LRP6: variants seen among roughly 807,000 people sequenced by gnomAD.
LRP6 encodes low-density lipoprotein receptor-related protein 6.
In LRP6, 43 loss-of-function variants were observed where a neutral mutation model predicts 184.1. The ratio of observed to expected loss-of-function variants is 0.23; its 90% CI spans 0.18 to 0.30. The LOEUF (loss-of-function observed/expected upper bound fraction) is 0.30. LRP6 is among the 10% of genes least tolerant of loss of function. The pLI is 1.00. For synonymous variants in LRP6, 719 were observed against 684.9 expected (o/e 1.05, Z -0.78); for missense variants, 1,571 against 2,005.3 (o/e 0.78, Z 4.14).
Position 12,266,872 on chromosome 12 carries a change from G to C in LRP6, c.-137C>G, listed in dbSNP as rs1346603629. ...CTTCCCAGCGAGAGAAGAAAGAAAG[G>C]GGCACGTCAAGGTTCCGCGCGCGCC... On this transcript the variant is annotated 5_prime_UTR_variant, in exon 1 of 23. Coordinates refer to ENST00000261349, the MANE Select transcript of LRP6 (RefSeq NM_002336.3). 1.3e-6 allele frequency: 1 copy of C among 794,820 alleles called. No individual in the cohort carries two copies. Among genetic ancestry groups the C allele is most frequent in the African/African-American group, 1.7e-5 (1 of 58,018 alleles). 49.2% of individuals were successfully genotyped at this position (794,820 alleles called of 1,614,324 possible).
chr12:12,156,160 C>T (rs994747448), intron 12 of LRP6, among the ~76,000 whole-genome samples: 1 of 152,092 alleles, frequency 6.6e-6, no homozygotes, highest in South Asian at 2.1e-4. Context: ...GGCACTGGCA[C>T]GTTGGATAGA....
In LRP6 at chr12:12,120,971, C is replaced by T; in HGVS notation, c.*155G>A. On this transcript the variant is annotated 3_prime_UTR_variant, in exon 23 of 23. Transcript: ENST00000261349. Reference sequence around the variant, plus strand: ...TATATAAATATCCTTTTCTTCTGTACAAATATCTCCAGTATTCCCTACCCC... The same window carrying T: ...TATATAAATATCCTTTTCTTCTGTATAAATATCTCCAGTATTCCCTACCCC... 1.8e-6 allele frequency: 1 copy of T among 568,906 alleles called. No individual in the cohort carries two copies. The allele number at this position is 568,906 out of a possible 1,614,324, so 35.2% of individuals were successfully genotyped here. A position where few individuals can be genotyped will look rare whatever the true frequency, so the allele number is the denominator to read the frequency against.
chr12:12,244,240 C>T (rs1865132623), intron 2 of LRP6, 22 bp downstream of exon 2: 1 of 1,613,442 alleles, frequency 6.2e-7, no homozygotes, highest in East Asian at 2.2e-5. Flanking sequence ...TGATGATCTT[C>T]GTACACTGTA....
intron 14 of LRP6, 88 bp from the exon 15 acceptor site, chr12:12,147,644 G>C (rs764207611): frequency 2.1e-5 from 22 of 1,061,740 alleles, no homozygotes; most frequent in Non-Finnish European, 3.2e-5. Context: ...TGGAGGTAGA[G>C]TATTTTTAAG....
rs773550112 is a variant in LRP6 at position 12,151,034 on chromosome 12, A to G, written c.2796T>C (p.Pro932=). Residue 932 remains proline, a synonymous_variant, in exon 13 of 23, where the codon CCT becomes CCC. Coordinates refer to ENST00000261349, the MANE Select transcript of LRP6 (RefSeq NM_002336.3). ...LNADNRTCSA[P]TTFLLFSQKS... ...TTTGACTGAAGAGCAGGAAAGTCGT[A>G]GGAGCTTAAAAGGAAGAAAAGAGAA... The G allele has an allele frequency of 6.2e-6, 10 of 1,613,780 alleles. 1 individual carries two copies. In the South Asian group the frequency reaches 9.9e-5, roughly 16 times the overall value.
intron 16 of LRP6, 122 bp downstream of exon 16, chr12:12,138,203 A>T: frequency 4.2e-6 from 4 of 941,498 alleles, no homozygotes; most frequent in Non-Finnish European, 6.7e-6. Context: ...GTTCAAAAAA[A>T]TGGCAAAACT....
rs1471786646 is a variant in LRP6, at chr12:12,138,485, T to A, written c.3447A>T (p.Gly1149=). The A allele has an allele frequency of 6.2e-7, 1 of 1,613,986 alleles. No homozygotes were observed. The change falls in exon 16 of 23, where the codon GGA becomes GGT. Residue 1149 remains glycine (G), a synonymous_variant. Coordinates refer to ENST00000261349, the MANE Select transcript of LRP6 (RefSeq NM_002336.3). ...LEDSNILQPV[G]LTVFENWLYW... Reference sequence around the variant, plus strand: ...AGAGCCAGTTTTCAAACACAGTAAGTCCCACAGGCTGCAAGATATTGGAGT... The same window carrying A: ...AGAGCCAGTTTTCAAACACAGTAAGACCCACAGGCTGCAAGATATTGGAGT...
chr12:12,266,547 C>A (rs941400946), intron 1 of LRP6, 134 bp downstream of exon 1: 4 of 806,848 alleles, frequency 5.0e-6, no homozygotes, highest in African/African-American at 3.5e-5. Flanking sequence ...TTCTCTCCCC[C>A]TCCCCACGAC....
In LRP6 at chr12:12,116,971, A is replaced by C. The variant is rs932702394; in HGVS notation, c.*4155T>G. 1.3e-5 allele frequency: 2 copies of C among 152,216 alleles called. No homozygotes were observed. The highest frequency in any genetic ancestry group is 4.8e-5 in the African/African-American group (2 of 41,452). 9.4% of individuals were successfully genotyped at this position (152,216 alleles called of 1,614,324 possible). A position where few individuals can be genotyped will look rare whatever the true frequency, so the allele number is the denominator to read the frequency against. The stretch of plus-strand genomic sequence containing the variant: ...TACTTATAATTTAAATTTTAAAAAA[A>C]TTATAAACGTATAATTTTATACTTG... On this transcript the variant is annotated 3_prime_UTR_variant, in exon 23 of 23. Coordinates refer to ENST00000261349, the MANE Select transcript of LRP6 (RefSeq NM_002336.3).
intron 7 of LRP6, 119 bp from the exon 8 acceptor site, chr12:12,165,414 C>T (rs919895383): frequency 8.0e-6 from 6 of 753,208 alleles, no homozygotes; most frequent in African/African-American, 1.7e-5. Context: ...ATTCCTATTA[C>T]AATGCTTTCT....
At chr12:12,265,266 CT>C (rs758945377) in intron 1 of LRP6, among the ~76,000 whole-genome samples, 58 of 152,304 alleles carry the variant, frequency 3.8e-4, no homozygotes, top group Non-Finnish European at 7.6e-4. Context: ...ATTAAAATTT[CT>C]GCCACAAAAA....
intron 6 of LRP6, among the ~76,000 whole-genome samples, chr12:12,180,789 C>G (rs960569057): frequency 6.6e-6 from 1 of 152,144 alleles, no homozygotes; most frequent in Admixed American, 6.5e-5. Flanking sequence ...CGAGCAAAAT[C>G]TGCAGACAAC....
chr12:12,126,218 G>A (rs1949669393), intron 20 of LRP6, among the ~76,000 whole-genome samples: 1 of 152,174 alleles, frequency 6.6e-6, no homozygotes, highest in Non-Finnish European at 1.5e-5. Context: ...TCCCTTATTA[G>A]CACATGAAGT....
In LRP6 at chr12:12,150,873, T is replaced by A; in HGVS notation, c.2957A>T (p.Gln986Leu). 1.2e-6 allele frequency: 2 copies of A among 1,614,104 alleles called. No individual in the cohort carries two copies. The highest frequency in any genetic ancestry group is 1.7e-6 in the Non-Finnish European group (2 of 1,180,004). The change falls in exon 13 of 23, where the codon CAA becomes CTA. Residue 986 changes from glutamine to leucine, a missense_variant. Transcript: ENST00000261349. ...TTCTTGTGCCTTTCGGATCATGTTT[T>A]GTCGTGAGTCAATCCAATAGAGTTG... Reference protein sequence around the residue: ...DKQLYWIDSRQNMIRKAQEDG... With the variant: ...DKQLYWIDSRLNMIRKAQEDG...
At chr12:12,122,673 T>TA (rs935528188) in intron 22 of LRP6, among the ~76,000 whole-genome samples, 10 of 151,094 alleles carry the variant, frequency 6.6e-5, no homozygotes, top group African/African-American at 9.7e-5. Context: ...CTACAAAAAA[T>TA]AAAAAAAAGC....
intron 1 of LRP6, among the ~76,000 whole-genome samples, chr12:12,258,112 G>A (rs1865517046): frequency 6.6e-6 from 1 of 151,960 alleles, no homozygotes; most frequent in Non-Finnish European, 1.5e-5. Context: ...TCTAATCTAT[G>A]CTAAGAAATC....
At position 12,164,357 on chromosome 12, in the gene LRP6, A is replaced by T. The variant is rs780084906; in HGVS notation, c.1968T>A (p.Ile656=). ...SLETNNNNVA[I]PLTGVKEASA... is the part of the protein sequence containing the mutation. Reference sequence around the variant, plus strand: ...AAGCTTCTTTGACACCAGTGAGTGGAATAGCCACATTATTATTGTTTGTTT... The same window carrying T: ...AAGCTTCTTTGACACCAGTGAGTGGTATAGCCACATTATTATTGTTTGTTT... Residue 656 remains isoleucine, a synonymous_variant, in exon 9 of 23, where the codon ATT becomes ATA. Transcript: ENST00000261349. 6.2e-7 allele frequency: 1 copy of T among 1,614,182 alleles called. No homozygotes were observed. The highest frequency in any genetic ancestry group is 8.5e-7 in the Non-Finnish European group (1 of 1,179,996).
At chr12:12,234,338 T>C (rs952070730) in intron 2 of LRP6, among the ~76,000 whole-genome samples, 2 of 151,666 alleles carry the variant, frequency 1.3e-5, no homozygotes, top group African/African-American at 2.4e-5. Flanking sequence ...TAGTCCCAGC[T>C]ACTTGAGAGG....
intron 12 of LRP6, 55 bp from the exon 13 acceptor site, chr12:12,151,093 A>G (rs1950075094): frequency 1.5e-6 from 2 of 1,376,172 alleles, no homozygotes; most frequent in Admixed American, 3.8e-5. Flanking sequence ...ATCCTCTATC[A>G]TCCAATGATT....
Sources: gnomAD v4.1 joint callset for allele counts (sites outside exome capture counted in the v4.1 genomes callset) on GRCh38, gnomAD v4.1.1 for gene constraint, MANE v1.5 for transcripts, NCBI Gene and HGNC (gene_info 2026-07-23, HGNC 2026-07-21) for gene names.